The following ATP13A1 variants were observed in gnomAD, a reference collection of about 807,000 sequenced individuals.
The protein encoded by ATP13A1 is ATPase 13A1, also known as endoplasmic reticulum transmembrane helix translocase.
In ATP13A1, 55 loss-of-function variants were observed where a neutral mutation model predicts 134.8. The ratio of observed to expected loss-of-function variants is 0.41; its 90% CI spans 0.33 to 0.51. The LOEUF is 0.51. Ranked by LOEUF, ATP13A1 falls within the 20% of genes least tolerant of loss-of-function variation. The probability of loss-of-function intolerance (pLI) is 0.29; values close to 1 mark genes in which losing one functional copy is unlikely to be tolerated. For synonymous variants in ATP13A1, 775 were observed against 725.1 expected, an observed-to-expected ratio of 1.07 and a Z score of -1.10; for missense variants, 1,389 against 1,652.8, an observed-to-expected ratio of 0.84 and a Z score of 2.77.
chr19:19,655,769 C>T lies in ATP13A1; in HGVS notation c.1269+109G>A, dbSNP rs968490749. The T allele has an allele frequency of 3.3e-6, 5 of 1,534,132 alleles. No individual in the cohort carries two copies. The highest frequency in any genetic ancestry group is 4.9e-5 in the East Asian group (2 of 41,088). ...CTGCACCCTGGCCCAGGTCCAGGGC[C>T]GTGCTGCCAGAGTCAGCCCGTGGGG... On this transcript the variant is annotated intron_variant, in intron 9 of 25. Coordinates refer to ENST00000357324, the MANE Select transcript of ATP13A1 (RefSeq NM_020410.3). This position sits in a 1 kb window ranked among gnomAD's most constrained non-coding sequence, Gnocchi z 5.7.
rs376676918 is a variant in ATP13A1 at position 19,654,734 on chromosome 19, C to T, written c.1656-34G>A. 1.6e-5 allele frequency: 25 copies of T among 1,587,160 alleles called. No individual in the cohort carries two copies. In the African/African-American group the frequency reaches 2.0e-4, roughly 13 times the overall value. ...TCGGGGAACAGCTGGTTACAGAGTGCAGGCGGGTAGGGCGAAGCTGCATCC... is the reference window on the plus strand; with the variant it reads ...TCGGGGAACAGCTGGTTACAGAGTGTAGGCGGGTAGGGCGAAGCTGCATCC... On this transcript the variant is annotated intron_variant, in intron 12 of 25. Coordinates refer to ENST00000357324, the MANE Select transcript of ATP13A1 (RefSeq NM_020410.3).
intron 3 of ATP13A1, among the ~76,000 whole-genome samples, chr19:19,657,913 C>T (rs929382950): frequency 3.3e-5 from 5 of 152,022 alleles, no homozygotes; most frequent in African/African-American, 9.7e-5. Flanking sequence ...CTTTGGGAGG[C>T]CGAGGCAGGA....
Position 19,647,784 on chromosome 19 carries a change from C to G in ATP13A1, c.2633-25G>C, listed in dbSNP as rs773622063. 2 of 1,571,128 alleles carry G rather than the reference C, an allele frequency of 1.3e-6. No individual in the cohort carries two copies. Among genetic ancestry groups the G allele is most frequent in the East Asian group, 2.3e-5 (1 of 43,752 alleles). ...CCTGGGGGGCAGGAGGGTGTCAGAC[C>G]CGGAGGAGCAGGCTCCACGGAGGGG... On this transcript the variant is annotated intron_variant, in intron 19 of 25. Transcript: ENST00000357324. This position sits in a 1 kb window ranked among gnomAD's most constrained non-coding sequence, Gnocchi z 4.8.
chr19:19,647,373 G>A lies in ATP13A1; in HGVS notation c.2908+41C>T. 2 of 1,606,730 alleles carry A rather than the reference G, an allele frequency of 1.2e-6. No homozygotes were observed. On this transcript the variant is annotated intron_variant, in intron 21 of 25. Transcript: ENST00000357324. The surrounding 1 kb of genome is among the most constrained non-coding windows in gnomAD (Gnocchi z 4.8). Reference sequence around the variant, plus strand: ...GTGTGGGTGTGGGTAGGGGTGCCAAGGGGGGAATGAAGGGAGGGGGAGCGG... The same window carrying A: ...GTGTGGGTGTGGGTAGGGGTGCCAAAGGGGGAATGAAGGGAGGGGGAGCGG...
chr19:19,662,404 C>T (rs1380585172), intron 1 of ATP13A1: 3 of 977,746 alleles, frequency 3.1e-6, no homozygotes, highest in Non-Finnish European at 3.6e-6. Flanking sequence ...GATGCTGTTC[C>T]CTTTTCCTCT....
chr19:19,647,849 C>A lies in ATP13A1; in HGVS notation c.2633-90G>T. On this transcript the variant is annotated intron_variant, in intron 19 of 25. Transcript: ENST00000357324. The surrounding 1 kb of genome is among the most constrained non-coding windows in gnomAD (Gnocchi z 4.8). ...CAGAGCCACTGGTCCTGAAGTCCCC[C>A]AGCTGGCTCCCGTGAGGACAGTTCC... The A allele has an allele frequency of 6.9e-7, 1 of 1,456,180 alleles. No individual in the cohort carries two copies. The highest frequency in any genetic ancestry group is 2.5e-5 in the East Asian group (1 of 40,292). The allele number at this position is 1,456,180 out of a possible 1,614,324, so 90.2% of individuals were successfully genotyped here. A position where few individuals can be genotyped will look rare whatever the true frequency, so the allele number is the denominator to read the frequency against.
intron 1 of ATP13A1, among the ~76,000 whole-genome samples, chr19:19,660,980 G>A (rs1171083365): frequency 6.6e-6 from 1 of 151,796 alleles, no homozygotes; most frequent in African/African-American, 2.4e-5. Context: ...TCGGGAGGCT[G>A]AGGCAGAACA....
Position 19,647,662 on chromosome 19 carries a change from G to A in ATP13A1, c.2730C>T (p.Thr910=). The change falls in exon 20 of 26, where the codon ACC becomes ACT. Residue 910 remains threonine, a synonymous_variant. Transcript: ENST00000357324. This position sits in a 1 kb window ranked among gnomAD's most constrained non-coding sequence, Gnocchi z 4.8. Reference sequence around the variant, plus strand: ...CCGACCGCTGCTTGGCTGTCCTGGAGGTGGCTCTGATGCCACTGTTGCTCA... The same window carrying A: ...CCGACCGCTGCTTGGCTGTCCTGGAAGTGGCTCTGATGCCACTGTTGCTCA... ...PTLSNSGIRA[T]SRTAKQRSGL... 6.2e-7 allele frequency: 1 copy of A among 1,613,082 alleles called. No homozygotes were observed. Among genetic ancestry groups the A allele is most frequent in the Non-Finnish European group, 8.5e-7 (1 of 1,179,850 alleles).
chr19:19,662,373 TTCTG>T, intron 1 of ATP13A1: 2 of 985,170 alleles, frequency 2.0e-6, no homozygotes, highest in Non-Finnish European at 2.4e-6. Context: ...GGTGGGGGGC[TTCTG>T]TCTTTCTGTA....
In ATP13A1 at chr19:19,657,054, C is replaced by T. The variant is rs1377820872; in HGVS notation, c.846G>A (p.Gln282=). 1.3e-6 allele frequency: 2 copies of T among 1,562,340 alleles called. No individual in the cohort carries two copies. Among genetic ancestry groups the T allele is most frequent in the South Asian group, 2.4e-5 (2 of 81,970 alleles). The change falls in exon 5 of 26, where the codon CAG becomes CAA. Residue 282 remains glutamine (Q), a synonymous_variant. Transcript: ENST00000357324. ...MLVAFEASLV[Q]QQMRNMSEIR... is the part of the protein sequence containing the mutation. ...TCTCCGACATGTTCCGCATCTGCTGCTGCACCAGCGAGGCCTCGAACGCCA... is the reference window on the plus strand; with the variant it reads ...TCTCCGACATGTTCCGCATCTGCTGTTGCACCAGCGAGGCCTCGAACGCCA...
At position 19,653,846 on chromosome 19, in the gene ATP13A1, G is replaced by A. The variant is rs754405858; in HGVS notation, c.2038C>T (p.Arg680Trp). 1.2e-5 allele frequency: 18 copies of A among 1,564,658 alleles called. No individual in the cohort carries two copies. The highest frequency in any genetic ancestry group is 1.4e-5 in the Non-Finnish European group (16 of 1,155,146). The change falls in exon 15 of 26, where the codon CGG becomes TGG. Residue 680 changes from arginine to tryptophan, a missense_variant. Coordinates refer to ENST00000357324, the MANE Select transcript of ATP13A1 (RefSeq NM_020410.3). The surrounding 1 kb of genome is among the most constrained non-coding windows in gnomAD (Gnocchi z 4.2). ...DYHHIHTEIS[R>W]EGARVLALGY... ...AGCGCCAGGACGCGGGCTCCTTCCC[G>A]GGAGATCTCGGTGTGGATGTGGTGG...
chr19:19,654,741 G>A (rs2062046369), intron 12 of ATP13A1, 41 bp from the exon 13 acceptor site: 1 of 1,575,330 alleles, frequency 6.3e-7, no homozygotes. Context: ...GTGCAGGCGG[G>A]TAGGGCGAAG....
In ATP13A1 at chr19:19,655,460, A is replaced by G; in HGVS notation, c.1397-7T>C. 6.2e-7 allele frequency: 1 copy of G among 1,613,924 alleles called. No homozygotes were observed. The highest frequency in any genetic ancestry group is 8.5e-7 in the Non-Finnish European group (1 of 1,179,850). ...CGGCTGGGGTCCTTGGTACCTGTGG[A>G]GACAGGGCCTGCCAACCTGGAGCCT... On this transcript the variant is annotated splice_polypyrimidine_tract_variant and splice_region_variant and intron_variant, in intron 10 of 25. Coordinates refer to ENST00000357324, the MANE Select transcript of ATP13A1 (RefSeq NM_020410.3). The surrounding 1 kb of genome is among the most constrained non-coding windows in gnomAD (Gnocchi z 5.7).
At chr19:19,658,861 G>A (rs1205568696) in intron 3 of ATP13A1, among the ~76,000 whole-genome samples, 2 of 152,152 alleles carry the variant, frequency 1.3e-5, no homozygotes, top group Non-Finnish European at 2.9e-5. Context: ...CCAGCACTTT[G>A]GGATGTTGAT....
Position 19,656,890 on chromosome 19 carries a change from G to T in ATP13A1, c.933C>A (p.Pro311=). The change falls in exon 6 of 26, where the codon CCC becomes CCA. Residue 311 remains proline (P), a synonymous_variant. Transcript: ENST00000357324. This position sits in a 1 kb window ranked among gnomAD's most constrained non-coding sequence, Gnocchi z 4.6. ...IQVYRSRKWR[P]IASDEIVPGD... Reference sequence around the variant, plus strand: ...CTGGTACGATCTCATCACTGGCAATGGGCCTCCACTTGCGGCTTCGGTAGA... The same window carrying T: ...CTGGTACGATCTCATCACTGGCAATTGGCCTCCACTTGCGGCTTCGGTAGA... 2 of 1,612,502 alleles carry T rather than the reference G, an allele frequency of 1.2e-6. No homozygotes were observed. The highest frequency in any genetic ancestry group is 1.7e-6 in the Non-Finnish European group (2 of 1,179,374).
chr19:19,654,495 G>A, intron 13 of ATP13A1, 48 bp downstream of exon 13: 1 of 1,554,478 alleles, frequency 6.4e-7, no homozygotes, highest in South Asian at 1.2e-5. Context: ...CTAGGGCTGT[G>A]AGAGCCAGTG....
Position 19,659,654 on chromosome 19 carries a change from G to A in ATP13A1, c.624C>T (p.Gly208=). The part of the protein sequence containing the change: ...NAFSYYQSNR[G]FQEDSEIRAA... ...CTCGGATCTCTGAGTCTTCCTGGAA[G>A]CCTCTGTTGCTCTGATAGTATGAGA... is the stretch of plus-strand genomic sequence containing the variant. Residue 208 remains glycine, a synonymous_variant, in exon 3 of 26, where the codon GGC becomes GGT. Transcript: ENST00000357324. 1 of 1,613,846 alleles carries A rather than the reference G, an allele frequency of 6.2e-7. No homozygotes were observed. Among genetic ancestry groups the A allele is most frequent in the Non-Finnish European group, 8.5e-7 (1 of 1,179,824 alleles).
intron 15 of ATP13A1, 44 bp from the exon 16 acceptor site, chr19:19,652,764 GC>G: frequency 6.4e-7 from 1 of 1,567,694 alleles, no homozygotes. Flanking sequence ...CCCTCCCTCT[GC>G]CCACACTCTG....
At position 19,652,607 on chromosome 19, in the gene ATP13A1, A is replaced by C; in HGVS notation, c.2214T>G (p.Asn738Lys). 6.2e-7 allele frequency: 1 copy of C among 1,608,752 alleles called. No homozygotes were observed. Among genetic ancestry groups the C allele is most frequent in the Non-Finnish European group, 8.5e-7 (1 of 1,177,934 alleles). The part of the protein sequence containing the change: ...DSKAVIREIQ[N>K]ASHRVVMITG... ...CACCGTCCCATACCCGGTGGGACGC[A>C]TTCTGGATCTCCCGGATCACGGCCT... The change falls in exon 16 of 26, where the codon AAT becomes AAG. Residue 738 changes from asparagine to lysine, a missense_variant. Asn to Lys is a moderately conservative substitution (Grantham distance 94). Transcript: ENST00000357324.
Sources: gnomAD v4.1 joint callset for allele counts (sites outside exome capture counted in the v4.1 genomes callset) on GRCh38, gnomAD v4.1.1 for gene constraint, Gnocchi (gnomAD v3.1) non-coding constraint, MANE v1.5 for transcripts, NCBI Gene and HGNC (gene_info 2026-07-23, HGNC 2026-07-21) for gene names.